FOXP2: variants seen among roughly 807,000 people sequenced by gnomAD.
The protein encoded by FOXP2 is forkhead box P2.
A neutral mutation model predicts 115.8 loss-of-function variants in FOXP2; 12 were observed. The observed-to-expected ratio is 0.10, with a 90% confidence interval of 0.07 to 0.17. The LOEUF (loss-of-function observed/expected upper bound fraction) is 0.17, where lower values mean the gene tolerates loss of function less well. Ranked by LOEUF, FOXP2 falls within the 10% of genes least tolerant of loss-of-function variation. The probability of loss-of-function intolerance (pLI) is 1.00; values close to 1 mark genes in which losing one functional copy is unlikely to be tolerated. For synonymous variants in FOXP2, 328 were observed against 297.7 expected (o/e 1.10, Z -1.05); for missense variants, 629 against 843.5 (o/e 0.75, Z 3.15).
chr7:114,423,701 T>G (rs1793716417), intron 1 of FOXP2, among the ~76,000 whole-genome samples: 2 of 151,632 alleles, frequency 1.3e-5, no homozygotes, highest in Non-Finnish European at 3.0e-5. Context: ...TTATTATTAT[T>G]TAAAATATAC....
At chr7:114,231,506 T>G (rs1584562691) in intron 1 of FOXP2, among the ~76,000 whole-genome samples, 2 of 152,272 alleles carry the variant, frequency 1.3e-5, no homozygotes, top group East Asian at 1.9e-4. Flanking sequence ...CAAAACAGTA[T>G]GGTACTGGCG....
chr7:114,525,133 T>G (rs539695898), intron 2 of FOXP2, among the ~76,000 whole-genome samples: 1 of 152,186 alleles, frequency 6.6e-6, no homozygotes, highest in Non-Finnish European at 1.5e-5. Flanking sequence ...TTAGTTAAAA[T>G]GTACATACCT....
chr7:114,304,486 A>G (rs1445449411), intron 2 of FOXP2, among the ~76,000 whole-genome samples: 1 of 151,906 alleles, frequency 6.6e-6, no homozygotes, highest in Non-Finnish European at 1.5e-5. Context: ...AGCCTGGCCA[A>G]CGTGACAAAA....
At chr7:114,435,524 C>T (rs1265447293) in intron 2 of FOXP2, among the ~76,000 whole-genome samples, 1 of 151,954 alleles carries the variant, frequency 6.6e-6, no homozygotes, top group Non-Finnish European at 1.5e-5. Flanking sequence ...GTTTGTTGTG[C>T]TCAGAAGTTA....
At position 114,463,509 on chromosome 7, in the gene FOXP2, T is replaced by C. The variant is rs76839056; in HGVS notation, c.168+36830T>C. Among the ~76,000 whole-genome samples the C allele has an allele frequency of 4.8e-3, 729 of 152,302 alleles. 11 individuals carry two copies. The highest frequency in any genetic ancestry group is 0.016 in the African/African-American group (683 of 41,566). On this transcript the variant is annotated intron_variant, in intron 2 of 16. Transcript: ENST00000350908. Reference sequence around the variant, plus strand: ...GTACATGTGGCTAATGGCAAACATGTTGAACAGTGAAGATCAAGACCATTT... The same window carrying C: ...GTACATGTGGCTAATGGCAAACATGCTGAACAGTGAAGATCAAGACCATTT...
chr7:114,323,258 G>A (rs570305472), intron 2 of FOXP2, among the ~76,000 whole-genome samples: 10 of 152,094 alleles, frequency 6.6e-5, no homozygotes, highest in African/African-American at 1.7e-4. Flanking sequence ...TCCTATTACC[G>A]GAGGTTAAAC....
intron 2 of FOXP2, among the ~76,000 whole-genome samples, chr7:114,407,200 A>G (rs1390523978): frequency 1.3e-5 from 2 of 152,090 alleles, no homozygotes. Context: ...TCATTTTAAC[A>G]GTCTGCAAAA....
At chr7:114,509,340 TAAGTTTTAA>T (rs1001454602) in intron 2 of FOXP2, among the ~76,000 whole-genome samples, 9 of 151,974 alleles carry the variant, frequency 5.9e-5, no homozygotes, top group African/African-American at 2.2e-4. Context: ...TGGAGTGCAA[TAAGTTTTAA>T]AAGGTTTATT....
At position 114,469,301 on chromosome 7, in the gene FOXP2, A is replaced by G. The variant is rs373892020; in HGVS notation, c.168+42622A>G. ...CACACAATATCCTATGTCATATACA[A>G]TATTACACCATGATATATGAGATTA... is the stretch of plus-strand genomic sequence containing the variant. On this transcript the variant is annotated intron_variant, in intron 2 of 16. Coordinates refer to ENST00000350908, the MANE Select transcript of FOXP2 (RefSeq NM_014491.4). Among the ~76,000 whole-genome samples the G allele has an allele frequency of 1.4e-3, 212 of 152,288 alleles. 12 individuals are homozygous for G. In the South Asian group the frequency reaches 0.043, roughly 31 times the overall value.
chr7:114,634,147 C>G (rs1017400205), intron 6 of FOXP2, among the ~76,000 whole-genome samples: 4 of 152,084 alleles, frequency 2.6e-5, no homozygotes, highest in African/African-American at 9.7e-5. Flanking sequence ...AGGTGCCCAC[C>G]ACCACGCCTG....
At chr7:114,433,685 TA>T (rs1291929004) in intron 2 of FOXP2, among the ~76,000 whole-genome samples, 2 of 151,926 alleles carry the variant, frequency 1.3e-5, no homozygotes, top group Non-Finnish European at 2.9e-5. Flanking sequence ...TAGCTAACAT[TA>T]AAACTACTGT....
intron 1 of FOXP2, among the ~76,000 whole-genome samples, chr7:114,121,339 C>T (rs546685521): frequency 4.0e-4 from 61 of 152,146 alleles, no homozygotes; most frequent in African/African-American, 1.4e-3. Context: ...AGACTTCCAG[C>T]CCCAGAACAG....
chr7:114,158,007 T>G lies in FOXP2; in HGVS notation c.-246-4937T>G, dbSNP rs1792714530. Among the ~76,000 whole-genome samples, 3 of 152,168 alleles carry G rather than the reference T, an allele frequency of 2.0e-5. No homozygotes were observed. In the South Asian group the frequency reaches 6.2e-4, roughly 32 times the overall value. On this transcript the variant is annotated intron_variant, in intron 1 of 19. Transcript: ENST00000635638. The stretch of plus-strand genomic sequence containing the variant: ...AGAAAACAAACAAAAAGACTTGGGA[T>G]AGAACTGAAAATATATCAGCCATTA...
intron 2 of FOXP2, among the ~76,000 whole-genome samples, chr7:114,306,608 A>C (rs1396894647): frequency 6.6e-6 from 1 of 152,160 alleles, no homozygotes; most frequent in East Asian, 1.9e-4. Flanking sequence ...GCACTACATT[A>C]GTTTCTTATG....
upstream of FOXP2, among the ~76,000 whole-genome samples, chr7:114,413,485 A>C (rs1271926365): frequency 6.6e-6 from 1 of 152,126 alleles, no homozygotes; most frequent in Non-Finnish European, 1.5e-5. Flanking sequence ...TTAAAAAAAA[A>C]CCAATATAAA....
At chr7:114,183,387 A>T (rs887236698) in intron 1 of FOXP2, among the ~76,000 whole-genome samples, 4 of 152,098 alleles carry the variant, frequency 2.6e-5, no homozygotes, top group African/African-American at 9.7e-5. Flanking sequence ...AATAAATTAT[A>T]TTTCACTCTT....
At chr7:114,302,202 C>T (rs926844382) in intron 2 of FOXP2, among the ~76,000 whole-genome samples, 3 of 152,070 alleles carry the variant, frequency 2.0e-5, no homozygotes, top group Non-Finnish European at 4.4e-5. Flanking sequence ...TTAGGAATCT[C>T]CAGGTTATAA....
chr7:114,530,667 A>G (rs139884056), intron 2 of FOXP2, among the ~76,000 whole-genome samples: 1 of 151,930 alleles, frequency 6.6e-6, no homozygotes, highest in African/African-American at 2.4e-5. Context: ...TTTATCTGGC[A>G]GGTTACAAAG....
intron 4 of FOXP2, among the ~76,000 whole-genome samples, chr7:114,629,331 T>C (rs1002196321): frequency 6.6e-6 from 1 of 152,186 alleles, no homozygotes; most frequent in Non-Finnish European, 1.5e-5. Flanking sequence ...ATTTTTTATA[T>C]ATAATTACTT....
Sources: allele counts gnomAD v4.1 joint callset (sites outside exome capture counted in the v4.1 genomes callset), GRCh38; gene constraint gnomAD v4.1.1; transcripts MANE v1.5; gene names NCBI Gene and HGNC (gene_info 2026-07-23, HGNC 2026-07-21).